Variants in KSR2 observed in about 807,000 individuals in gnomAD.
KSR2 encodes the protein kinase suppressor of ras 2.
Under a neutral mutation model 107.8 loss-of-function variants are expected in KSR2, and 25 were observed. The observed-to-expected ratio is 0.23, with a 90% confidence interval of 0.17 to 0.32. The LOEUF (loss-of-function observed/expected upper bound fraction) is 0.32, where lower values mean the gene tolerates loss of function less well. Among genes scored for constraint, KSR2 ranks in the 10% least tolerant of loss-of-function variants. KSR2 has a pLI of 1.00. For missense variants in KSR2, 887 were observed against 1,268.9 expected, an observed-to-expected ratio of 0.70 and a Z score of 4.57; for synonymous variants, 480 against 507.0, an observed-to-expected ratio of 0.95 and a Z score of 0.71.
intron 9 of KSR2, among the ~76,000 whole-genome samples, chr12:117,546,497 G>A (rs1876878520): frequency 6.6e-6 from 1 of 152,068 alleles, no homozygotes; most frequent in South Asian, 2.1e-4. Flanking sequence ...TAATCTGTAG[G>A]TTTATGTCTT....
intron 5 of KSR2, among the ~76,000 whole-genome samples, chr12:117,646,191 T>G (rs1883631617): frequency 6.6e-6 from 1 of 152,158 alleles, no homozygotes; most frequent in Admixed American, 6.5e-5. Flanking sequence ...TCCATGATTT[T>G]TCAAATATTT....
In KSR2 at chr12:117,476,466, A is replaced by G; in HGVS notation, c.2580T>C (p.Leu860=). ...PFSKHSDVFA[L]GTIWYELHAR... ...TGGCCAGGGCAGGGCCCACTTACCC[A>G]AGGGCAAAGACGTCAGAGTGCTTGG... is the stretch of plus-strand genomic sequence containing the variant. Residue 860 remains leucine, a splice_region_variant and synonymous_variant, in exon 17 of 20, where the codon CTT becomes CTC. Coordinates refer to ENST00000339824, the MANE Select transcript of KSR2 (RefSeq NM_173598.6). The G allele has an allele frequency of 6.3e-7, 1 of 1,597,252 alleles. No individual in the cohort carries two copies. Among genetic ancestry groups the G allele is most frequent in the Non-Finnish European group, 8.5e-7 (1 of 1,171,742 alleles).
intron 19 of KSR2, among the ~76,000 whole-genome samples, chr12:117,469,224 T>C (rs926504227): frequency 3.9e-5 from 6 of 152,168 alleles, no homozygotes; most frequent in South Asian, 2.1e-4. Flanking sequence ...CTGGCATTCA[T>C]GCAATAGAGA....
At chr12:117,844,047 T>C (rs527260998) in intron 3 of KSR2, among the ~76,000 whole-genome samples, 1 of 152,028 alleles carries the variant, frequency 6.6e-6, no homozygotes, top group African/African-American at 2.4e-5. Flanking sequence ...GCTTCCCTGA[T>C]TGACCCATCA....
intron 4 of KSR2, among the ~76,000 whole-genome samples, chr12:117,725,080 T>TCACACACACA (rs1278953310): frequency 1.5e-5 from 2 of 135,090 alleles, no homozygotes; most frequent in African/African-American, 5.4e-5. Flanking sequence ...TCTCTCTCTC[T>TCACACACACA]CTCTCACACA....
chr12:117,854,195 C>T (rs148068201), intron 3 of KSR2, among the ~76,000 whole-genome samples: 2,308 of 151,882 alleles, frequency 0.015, 62 homozygotes, highest in African/African-American at 0.053. Flanking sequence ...TTTGTAGAGA[C>T]GGGGTTTCGC....
chr12:117,616,464 A>G (rs897227664), intron 5 of KSR2, among the ~76,000 whole-genome samples: 20 of 152,272 alleles, frequency 1.3e-4, no homozygotes, highest in African/African-American at 4.6e-4. Context: ...TTTTCTCTGG[A>G]GATGTGAGGC....
At position 117,793,078 on chromosome 12, in the gene KSR2, ACT is replaced by A. The variant is rs747966344; in HGVS notation, c.473-31556_473-31555del. On this transcript the variant is annotated intron_variant, in intron 3 of 19. Coordinates refer to ENST00000339824, the MANE Select transcript of KSR2 (RefSeq NM_173598.6). ...CATGCACACACACCAACAGGCACAC[ACT>A]CTCACACCAACATGCACACTCACAC... 2.9e-4 allele frequency among the ~76,000 whole-genome samples: 43 copies of A among 147,860 alleles called. 1 individual carries two copies. Among genetic ancestry groups the A allele is most frequent in the East Asian group, 6.1e-4 (3 of 4,898 alleles).
At chr12:117,675,194 C>T (rs1397582305) in intron 4 of KSR2, among the ~76,000 whole-genome samples, 6 of 152,174 alleles carry the variant, frequency 3.9e-5, no homozygotes, top group Admixed American at 3.9e-4. Context: ...ATGTCTGTCT[C>T]CCCTAGGGCC....
intron 14 of KSR2, among the ~76,000 whole-genome samples, chr12:117,514,781 C>A (rs545173728): frequency 6.6e-6 from 1 of 152,158 alleles, no homozygotes; most frequent in African/African-American, 2.4e-5. Context: ...CTCCTGGGCT[C>A]AAGAGATCTT....
chr12:117,660,244 C>T (rs1313732496), intron 5 of KSR2, among the ~76,000 whole-genome samples: 3 of 152,168 alleles, frequency 2.0e-5, no homozygotes, highest in African/African-American at 7.2e-5. Context: ...TAATAAAATA[C>T]CAAAAACTGG....
At chr12:117,632,337 G>C (rs1165608104) in intron 5 of KSR2, among the ~76,000 whole-genome samples, 1 of 145,256 alleles carries the variant, frequency 6.9e-6, no homozygotes, top group Non-Finnish European at 1.5e-5. Context: ...TGATTCTCCT[G>C]CCTCAGCCTC....
chr12:117,661,294 C>T (rs942885874), intron 5 of KSR2, among the ~76,000 whole-genome samples: 1 of 151,970 alleles, frequency 6.6e-6, no homozygotes, highest in African/African-American at 2.4e-5. Flanking sequence ...CTAAAGGATA[C>T]TATTGGGGCA....
chr12:117,663,727 T>C (rs1191777022), intron 5 of KSR2, among the ~76,000 whole-genome samples: 3 of 152,224 alleles, frequency 2.0e-5, no homozygotes, highest in African/African-American at 7.2e-5. Context: ...TAATGAATGA[T>C]GACAATTATT....
intron 3 of KSR2, among the ~76,000 whole-genome samples, chr12:117,770,694 C>T (rs781591538): frequency 3.3e-5 from 5 of 151,612 alleles, no homozygotes; most frequent in African/African-American, 7.3e-5. Flanking sequence ...ATCGGTCGGG[C>T]GCGGTGACTC....
chr12:117,483,976 G>A (rs1236241554), intron 16 of KSR2, among the ~76,000 whole-genome samples: 1 of 152,178 alleles, frequency 6.6e-6, no homozygotes, highest in East Asian at 1.9e-4. Context: ...TTAATAAGTG[G>A]AAGAGCTGTG....
At chr12:117,659,933 G>A (rs961919878) in intron 5 of KSR2, among the ~76,000 whole-genome samples, 19 of 152,206 alleles carry the variant, frequency 1.2e-4, no homozygotes, top group African/African-American at 4.3e-4. Context: ...CAATCTGGCA[G>A]CACAGTGCTG....
intron 4 of KSR2, among the ~76,000 whole-genome samples, chr12:117,704,009 C>A (rs1024188350): frequency 6.6e-6 from 1 of 152,162 alleles, no homozygotes; most frequent in African/African-American, 2.4e-5. Flanking sequence ...AAGAGCTTAG[C>A]CTTATTTTCA....
intron 7 of KSR2, among the ~76,000 whole-genome samples, chr12:117,569,116 TCTC>T (rs1878715889): frequency 6.6e-6 from 1 of 152,172 alleles, no homozygotes; most frequent in South Asian, 2.1e-4. Flanking sequence ...CACACTTTTA[TCTC>T]CTCATCACCT....
Sources: gnomAD v4.1 joint callset for allele counts (sites outside exome capture counted in the v4.1 genomes callset) on GRCh38, gnomAD v4.1.1 for gene constraint, MANE v1.5 for transcripts, NCBI Gene and HGNC (gene_info 2026-07-23, HGNC 2026-07-21) for gene names.